NTRK2: variants seen among roughly 807,000 people sequenced by gnomAD.
NTRK2 encodes the protein neurotrophic receptor tyrosine kinase 2, also known as BDNF/NT-3 growth factors receptor.
A neutral mutation model predicts 94.5 loss-of-function variants in NTRK2; 13 were observed. That is an observed-to-expected ratio of 0.14 (90% confidence interval 0.09 to 0.22). The LOEUF (loss-of-function observed/expected upper bound fraction) is 0.22, where lower values mean the gene tolerates loss of function less well. NTRK2 is among the 10% of genes least tolerant of loss of function. The pLI is 1.00. For synonymous variants in NTRK2, 372 were observed against 407.4 expected (o/e 0.91, Z 1.05); for missense variants, 639 against 1,071.2 (o/e 0.60, Z 5.63).
intron 16 of NTRK2, among the ~76,000 whole-genome samples, chr9:84,951,455 C>T (rs963035499): frequency 2.0e-5 from 3 of 152,122 alleles, no homozygotes; most frequent in African/African-American, 4.8e-5. Context: ...ATGGTGCTTT[C>T]GAAAATCTGT....
At chr9:84,742,896 G>A (rs1489006129) in intron 10 of NTRK2, among the ~76,000 whole-genome samples, 1 of 146,848 alleles carries the variant, frequency 6.8e-6, no homozygotes, top group East Asian at 2.0e-4. Flanking sequence ...CGCCTCCCGA[G>A]TTCAAGCGAT....
chr9:84,682,976 A>G (rs993611584), intron 2 of NTRK2, among the ~76,000 whole-genome samples: 2 of 152,188 alleles, frequency 1.3e-5, no homozygotes, highest in Admixed American at 6.5e-5. Context: ...GTGTCCTCAC[A>G]TGGCAGAAGG....
chr9:84,949,973 G>A (rs1357131768), intron 16 of NTRK2, among the ~76,000 whole-genome samples: 4 of 152,210 alleles, frequency 2.6e-5, no homozygotes, highest in Non-Finnish European at 5.9e-5. Context: ...CATGCTGCGT[G>A]ATGATACCAG....
chr9:84,804,985 A>G (rs912285128), intron 12 of NTRK2, among the ~76,000 whole-genome samples: 1 of 152,104 alleles, frequency 6.6e-6, no homozygotes, highest in African/African-American at 2.4e-5. Flanking sequence ...TCTCTACTCC[A>G]CTTAAAGCAA....
intron 2 of NTRK2, among the ~76,000 whole-genome samples, chr9:84,684,587 A>G (rs371760389): frequency 6.6e-6 from 1 of 152,182 alleles, no homozygotes; most frequent in African/African-American, 2.4e-5. Flanking sequence ...AAGAGGTCAC[A>G]TCATTTTGTT....
chr9:84,736,543 C>T (rs1420232164), intron 9 of NTRK2, among the ~76,000 whole-genome samples: 1 of 152,134 alleles, frequency 6.6e-6, no homozygotes, highest in Non-Finnish European at 1.5e-5. Context: ...CTATTTGTTC[C>T]TTTGGTCTTT....
intron 17 of NTRK2, among the ~76,000 whole-genome samples, chr9:85,016,502 C>A (rs941555773): frequency 6.6e-6 from 1 of 152,138 alleles, no homozygotes. Context: ...TTCCATCTCA[C>A]AAATATTTAA....
intron 12 of NTRK2, among the ~76,000 whole-genome samples, chr9:84,796,883 G>GC (rs2069394066): frequency 6.6e-6 from 1 of 151,872 alleles, no homozygotes; most frequent in Non-Finnish European, 1.5e-5. Flanking sequence ...TTTCTTTTGG[G>GC]TAAGGCTGAA....
intron 17 of NTRK2, among the ~76,000 whole-genome samples, chr9:84,989,382 T>C (rs1279718631): frequency 2.6e-5 from 4 of 152,262 alleles, no homozygotes; most frequent in Non-Finnish European, 5.9e-5. Flanking sequence ...TTATGGAATG[T>C]CTATTTTGTT....
chr9:84,912,771 C>G (rs1360060951), intron 14 of NTRK2, among the ~76,000 whole-genome samples: 1 of 151,924 alleles, frequency 6.6e-6, no homozygotes, highest in African/African-American at 2.4e-5. Flanking sequence ...GCGCCCACCA[C>G]CACCCCCGGC....
chr9:85,011,514 C>T (rs924353718), intron 17 of NTRK2, among the ~76,000 whole-genome samples: 15 of 152,132 alleles, frequency 9.9e-5, no homozygotes, highest in African/African-American at 2.7e-4. Context: ...TTAGTGTTCT[C>T]ATGGGAAGAG....
rs750638825 is a variant in NTRK2, at chr9:84,744,977, T to C, written c.1200T>C (p.Tyr400=). The C allele has an allele frequency of 4.2e-5, 68 of 1,612,796 alleles. 1 individual carries two copies. In the South Asian group the frequency reaches 5.9e-4, roughly 14 times the overall value. Residue 400 remains tyrosine, a synonymous_variant, in exon 11 of 19, where the codon TAT becomes TAC. Coordinates refer to ENST00000277120, the MANE Select transcript of NTRK2 (RefSeq NM_006180.6). ...PNYPDVIYED[Y]GTAANDIGDT... Reference sequence around the variant, plus strand: ...TTCCCCCTTTGCCCACTTAAGATTATGGAACTGCAGCGAATGACATCGGGG... The same window carrying C: ...TTCCCCCTTTGCCCACTTAAGATTACGGAACTGCAGCGAATGACATCGGGG...
intron 12 of NTRK2, among the ~76,000 whole-genome samples, chr9:84,816,789 A>G (rs573487570): frequency 6.6e-6 from 1 of 151,808 alleles, no homozygotes; most frequent in African/African-American, 2.4e-5. Context: ...AAAAAAAAAA[A>G]AAAAAAAAAA....
At chr9:84,738,955 GT>G (rs1375931211) in intron 9 of NTRK2, among the ~76,000 whole-genome samples, 2 of 152,216 alleles carry the variant, frequency 1.3e-5, no homozygotes, top group African/African-American at 4.8e-5. Flanking sequence ...TGGCCTAACA[GT>G]TTTGCTGGTG....
At chr9:85,006,943 T>C (rs1490948308) in intron 17 of NTRK2, among the ~76,000 whole-genome samples, 1 of 152,218 alleles carries the variant, frequency 6.6e-6, no homozygotes, top group Non-Finnish European at 1.5e-5. Context: ...TGGTTTTAGC[T>C]GCTGGTTCTC....
intron 17 of NTRK2, among the ~76,000 whole-genome samples, chr9:84,988,322 G>A (rs1353383815): frequency 2.0e-5 from 3 of 152,218 alleles, no homozygotes; most frequent in Non-Finnish European, 2.9e-5. Flanking sequence ...TGAAGTCCTT[G>A]AATGTTTTTC....
chr9:84,812,628 T>C, intron 12 of NTRK2: 1 of 1,046,752 alleles, frequency 9.6e-7, no homozygotes, highest in Non-Finnish European at 1.2e-6. Context: ...AGGCAGGAGC[T>C]CAGTATGGCA....
Position 84,906,758 on chromosome 9 carries a change from G to A in NTRK2, c.1634-27404G>A, listed in dbSNP as rs571892927. On this transcript the variant is annotated intron_variant, in intron 14 of 18. Transcript: ENST00000277120. ...GACTGAGGGGATTCTGGGACTGGCAGGGCTGTAAAGGCACTTAGAGATGTT... is the reference window on the plus strand; with the variant it reads ...GACTGAGGGGATTCTGGGACTGGCAAGGCTGTAAAGGCACTTAGAGATGTT... 6.6e-5 allele frequency among the ~76,000 whole-genome samples: 10 copies of A among 152,242 alleles called. No homozygotes were observed. In the South Asian group the frequency reaches 2.1e-3, roughly 32 times the overall value.
intron 2 of NTRK2, among the ~76,000 whole-genome samples, chr9:84,686,934 T>C (rs1315006355): frequency 6.6e-6 from 1 of 152,240 alleles, no homozygotes; most frequent in South Asian, 2.1e-4. Flanking sequence ...ATAAATAATA[T>C]AAATCATATC....
Sources: gnomAD v4.1 joint callset for allele counts (sites outside exome capture counted in the v4.1 genomes callset) on GRCh38, gnomAD v4.1.1 for gene constraint, MANE v1.5 for transcripts, NCBI Gene and HGNC (gene_info 2026-07-23, HGNC 2026-07-21) for gene names.